MRPS28: variants seen among roughly 807,000 people sequenced by gnomAD.
The protein encoded by MRPS28 is small ribosomal subunit protein bS1m.
MRPS28 carries 7 observed loss-of-function variants against 10.8 expected under a neutral mutation model. The observed-to-expected ratio is 0.65, with a 90% CI of 0.37 to 1.22. MRPS28 has a LOEUF of 1.22. Ranked by LOEUF, MRPS28 falls within the 50% of genes most tolerant of loss-of-function variation. The probability of loss-of-function intolerance (pLI) is 0.02; values close to 1 mark genes in which losing one functional copy is unlikely to be tolerated. For missense variants in MRPS28, 265 were observed against 232.9 expected (o/e 1.14, Z -0.90); for synonymous variants, 121 against 93.3 (o/e 1.30, Z -1.71).
chr8:79,945,206 T>C (rs1375091927), intron 2 of MRPS28, among the ~76,000 whole-genome samples: 2 of 152,202 alleles, frequency 1.3e-5, no homozygotes, highest in South Asian at 2.1e-4. Flanking sequence ...ATATCTGTTA[T>C]AATTTATTAG....
Position 80,026,549 on chromosome 8 carries a change from C to T in MRPS28, c.213+3487G>A, listed in dbSNP as rs145609898. Among the ~76,000 whole-genome samples, 1,320 of 152,258 alleles carry T rather than the reference C, an allele frequency of 8.7e-3. 27 individuals are homozygous for T. Among genetic ancestry groups the T allele is most frequent in the African/African-American group, 0.03 (1,259 of 41,542 alleles). On this transcript the variant is annotated intron_variant, in intron 1 of 2. Transcript: ENST00000276585. ...CATTCACACATTTGACAAATATTTA[C>T]CGAGTGCCCACTATGGGTCAAGGAC... is the stretch of plus-strand genomic sequence containing the variant.
intron 1 of MRPS28, among the ~76,000 whole-genome samples, chr8:80,008,198 G>A (rs1344948034): frequency 6.6e-6 from 1 of 152,144 alleles, no homozygotes; most frequent in African/African-American, 2.4e-5. Flanking sequence ...AATAAATGGT[G>A]CTGGGAAAAC....
intron 2 of MRPS28, among the ~76,000 whole-genome samples, chr8:79,919,773 G>C (rs1156394409): frequency 6.6e-6 from 1 of 152,174 alleles, no homozygotes; most frequent in African/African-American, 2.4e-5. Flanking sequence ...AGAAGTTTCA[G>C]ATACATTTTC....
chr8:79,936,587 A>T lies in MRPS28; in HGVS notation c.396-17439T>A, dbSNP rs992176633. 2.6e-5 allele frequency among the ~76,000 whole-genome samples: 4 copies of T among 152,314 alleles called. No homozygotes were observed. The South Asian group carries it at 6.2e-4, about 24-fold the overall frequency. ...TTAAAACAGAAACAATTTATAAACA[A>T]CGTAAATATCCAACTATAGGGGATT... On this transcript the variant is annotated intron_variant, in intron 2 of 2. Coordinates refer to ENST00000276585, the MANE Select transcript of MRPS28 (RefSeq NM_014018.3).
chr8:79,996,871 G>A (rs1808514253), intron 2 of MRPS28, among the ~76,000 whole-genome samples: 2 of 152,178 alleles, frequency 1.3e-5, no homozygotes, highest in South Asian at 4.1e-4. Flanking sequence ...AAGCACAGCG[G>A]GGTGAAAAGA....
chr8:79,958,418 T>A lies in MRPS28; in HGVS notation c.396-39270A>T, dbSNP rs189143668. On this transcript the variant is annotated intron_variant, in intron 2 of 2. Coordinates refer to ENST00000276585, the MANE Select transcript of MRPS28 (RefSeq NM_014018.3). ...TTGTGAAAATCTCCTCCAAACAGCA[T>A]ACCACGAAATGGGACTCCTGAGTGA... The A allele has an allele frequency of 1.0e-3, 723 of 692,356 alleles. 4 individuals are homozygous for A. In the African/African-American group the frequency reaches 0.011, roughly 10 times the overall value. The allele number at this position is 692,356 out of a possible 1,614,324, so 42.9% of individuals were successfully genotyped here.
intron 2 of MRPS28, among the ~76,000 whole-genome samples, chr8:79,973,906 A>G (rs535363261): frequency 2.6e-5 from 4 of 152,152 alleles, no homozygotes; most frequent in East Asian, 1.9e-4. Context: ...GTGCATAGAA[A>G]TCTAAACCTC....
chr8:79,973,311 T>C (rs1440093293), intron 2 of MRPS28, among the ~76,000 whole-genome samples: 1 of 152,074 alleles, frequency 6.6e-6, no homozygotes, highest in African/African-American at 2.4e-5. Context: ...TATTTAGAGT[T>C]GGGATCTCAC....
intron 2 of MRPS28, among the ~76,000 whole-genome samples, chr8:79,949,114 T>C (rs1807009136): frequency 6.6e-6 from 1 of 152,066 alleles, no homozygotes; most frequent in Admixed American, 6.6e-5. Flanking sequence ...ACAGGTCTTC[T>C]GCTTTTAAAA....
chr8:80,000,255 T>C (rs991264115), intron 2 of MRPS28, among the ~76,000 whole-genome samples: 1 of 152,236 alleles, frequency 6.6e-6, no homozygotes, highest in African/African-American at 2.4e-5. Context: ...TGTATTTATT[T>C]TGTGACTCCT....
At chr8:80,016,159 A>G (rs994035414) in intron 1 of MRPS28, among the ~76,000 whole-genome samples, 3 of 152,172 alleles carry the variant, frequency 2.0e-5, no homozygotes, top group African/African-American at 7.2e-5. Context: ...AATTAATATC[A>G]GACACCAAAC....
intron 1 of MRPS28, among the ~76,000 whole-genome samples, chr8:80,008,472 C>T (rs956529183): frequency 5.3e-5 from 8 of 152,174 alleles, no homozygotes; most frequent in East Asian, 1.9e-4. Flanking sequence ...AAACTACCAT[C>T]GGAGTGAACA....
intron 1 of MRPS28, among the ~76,000 whole-genome samples, chr8:80,023,342 C>T (rs1166015965): frequency 2.0e-5 from 3 of 152,096 alleles, no homozygotes; most frequent in African/African-American, 4.8e-5. Flanking sequence ...TTTACTATTA[C>T]AGTATATGAA....
chr8:79,926,498 C>T (rs1810238722), intron 2 of MRPS28, among the ~76,000 whole-genome samples: 2 of 152,210 alleles, frequency 1.3e-5, no homozygotes, highest in African/African-American at 2.4e-5. Context: ...TAGGAGCTTA[C>T]ATAATTCACC....
At chr8:79,985,740 T>C (rs938617332) in intron 2 of MRPS28, among the ~76,000 whole-genome samples, 5 of 152,152 alleles carry the variant, frequency 3.3e-5, no homozygotes, top group South Asian at 2.1e-4. Flanking sequence ...AAGTTGACTC[T>C]CTGAATAGAC....
chr8:79,997,958 G>C (rs140969884), intron 2 of MRPS28, among the ~76,000 whole-genome samples: 2,621 of 152,016 alleles, frequency 0.017, 74 homozygotes, highest in African/African-American at 0.058. Flanking sequence ...AGGAGGCTGA[G>C]GCACAAGAAT....
chr8:79,989,534 C>T (rs73691122), intron 2 of MRPS28, among the ~76,000 whole-genome samples: 2,183 of 152,270 alleles, frequency 0.014, 54 homozygotes, highest in African/African-American at 0.049. Context: ...CAAAGCTACA[C>T]TGTTTTTCTA....
intron 1 of MRPS28, among the ~76,000 whole-genome samples, chr8:80,008,080 C>G (rs1000364281): frequency 3.0e-4 from 45 of 152,040 alleles, no homozygotes; most frequent in Non-Finnish European, 8.8e-5. Flanking sequence ...CAGAGATATA[C>G]ACCAATGGAA....
intron 2 of MRPS28, among the ~76,000 whole-genome samples, chr8:79,973,606 C>T (rs1807696000): frequency 6.6e-6 from 1 of 152,138 alleles, no homozygotes; most frequent in African/African-American, 2.4e-5. Context: ...GCCTGCAACA[C>T]CACGCCCAGC....
Sources: gnomAD v4.1 joint callset for allele counts (sites outside exome capture counted in the v4.1 genomes callset) on GRCh38, gnomAD v4.1.1 for gene constraint, MANE v1.5 for transcripts, NCBI Gene and HGNC (gene_info 2026-07-23, HGNC 2026-07-21) for gene names.